The following PCDH15 variants were observed in gnomAD, a reference collection of about 807,000 sequenced individuals.
The protein encoded by PCDH15 is protocadherin-15.
In PCDH15, 129 loss-of-function variants were observed where a neutral mutation model predicts 178.5. That is an observed-to-expected ratio of 0.72 (90% CI 0.63 to 0.84). PCDH15 has a LOEUF of 0.84. PCDH15 is among the 40% of genes least tolerant of loss of function. The probability of loss-of-function intolerance (pLI) is 0.00; values close to 1 mark genes in which losing one functional copy is unlikely to be tolerated. For synonymous variants in PCDH15, 800 were observed against 732.0 expected (o/e 1.09, Z -1.50); for missense variants, 2,230 against 2,099.9 (o/e 1.06, Z -1.21).
chr10:54,202,482 G>C (rs2050333138), intron 10 of PCDH15, among the ~76,000 whole-genome samples: 1 of 152,036 alleles, frequency 6.6e-6, no homozygotes, highest in Admixed American at 6.6e-5. Flanking sequence ...CTCAAACTCT[G>C]ATGTACCTAA....
At chr10:54,856,425 T>C (rs894148900) in intron 3 of PCDH15, among the ~76,000 whole-genome samples, 4 of 152,204 alleles carry the variant, frequency 2.6e-5, no homozygotes, top group Non-Finnish European at 5.9e-5. Context: ...TAGAATGTAA[T>C]CAAAGACTTC....
At chr10:54,426,601 A>T (rs2135931333) in intron 3 of PCDH15, among the ~76,000 whole-genome samples, 1 of 152,222 alleles carries the variant, frequency 6.6e-6, no homozygotes, top group Admixed American at 6.5e-5. Flanking sequence ...CACGTCTCTC[A>T]TGGCCTGTCT....
chr10:54,524,566 T>A (rs1042611035), intron 3 of PCDH15, among the ~76,000 whole-genome samples: 1 of 152,194 alleles, frequency 6.6e-6, no homozygotes, highest in African/African-American at 2.4e-5. Flanking sequence ...TCCCCACCTC[T>A]CTTCTTTCAG....
intron 2 of PCDH15, among the ~76,000 whole-genome samples, chr10:54,649,776 T>C (rs1303783999): frequency 6.6e-6 from 1 of 152,084 alleles, no homozygotes; most frequent in African/African-American, 2.4e-5. Context: ...GTGGGTAATA[T>C]CTCCTTACTA....
At chr10:55,112,006 A>G (rs1201374509) in intron 2 of PCDH15, among the ~76,000 whole-genome samples, 1 of 152,240 alleles carries the variant, frequency 6.6e-6, no homozygotes, top group Non-Finnish European at 1.5e-5. Flanking sequence ...ACACAGTAAC[A>G]CATTTATTTT....
At chr10:55,204,661 A>G (rs1840346172) in intron 1 of PCDH15, among the ~76,000 whole-genome samples, 1 of 152,104 alleles carries the variant, frequency 6.6e-6, no homozygotes, top group Non-Finnish European at 1.5e-5. Flanking sequence ...CAGAGAGAAA[A>G]TTGAGTCAGG....
intron 3 of PCDH15, among the ~76,000 whole-genome samples, chr10:54,837,317 T>A (rs1169601272): frequency 2.6e-5 from 4 of 152,092 alleles, no homozygotes; most frequent in Non-Finnish European, 5.9e-5. Flanking sequence ...TAAAAACTAA[T>A]GTAATTCCCA....
chr10:54,938,177 T>C (rs148360282), intron 2 of PCDH15, among the ~76,000 whole-genome samples: 38 of 152,194 alleles, frequency 2.5e-4, no homozygotes, highest in African/African-American at 7.9e-4. Flanking sequence ...TCGTAGTGTA[T>C]AGTACTTTTT....
chr10:54,954,269 C>T (rs138052179), intron 2 of PCDH15, among the ~76,000 whole-genome samples: 45 of 151,324 alleles, frequency 3.0e-4, no homozygotes, highest in Non-Finnish European at 4.5e-4. Flanking sequence ...TATTAAATTG[C>T]GCATAGAGTC....
Position 54,996,658 on chromosome 10 carries a change from C to T in PCDH15, c.-79-99158G>A, listed in dbSNP as rs529702729. ...GGTACTGTTGTCTTACAATTGGATTCATTTTGCTATTGAATGGGAAAGCAG... is the reference window on the plus strand; with the variant it reads ...GGTACTGTTGTCTTACAATTGGATTTATTTTGCTATTGAATGGGAAAGCAG... On this transcript the variant is annotated intron_variant, in intron 2 of 5. Transcript: ENST00000458638. Among the ~76,000 whole-genome samples, 4 of 152,180 alleles carry T rather than the reference C, an allele frequency of 2.6e-5. No individual in the cohort carries two copies. In the East Asian group the frequency reaches 7.8e-4, roughly 29 times the overall value.
At chr10:55,614,167 A>C (rs1843429362) in intron 2 of PCDH15, among the ~76,000 whole-genome samples, 1 of 152,070 alleles carries the variant, frequency 6.6e-6, no homozygotes, top group Non-Finnish European at 1.5e-5. Context: ...TTATGATTTA[A>C]ATTTTACTTT....
At chr10:54,271,367 C>A (rs11004193) in intron 8 of PCDH15, among the ~76,000 whole-genome samples, 100,779 of 151,702 alleles carry the variant, frequency 0.66, 34,387 homozygotes, top group Middle Eastern at 0.77. Flanking sequence ...GGAGCCCCCA[C>A]GCCCGGCTAA....
intron 2 of PCDH15, among the ~76,000 whole-genome samples, chr10:55,113,771 T>C (rs1322043246): frequency 2.0e-5 from 3 of 152,094 alleles, no homozygotes; most frequent in African/African-American, 7.2e-5. Context: ...CAGGCCATTT[T>C]TGAGATAGCA....
chr10:55,371,421 A>G (rs964588338), intron 2 of PCDH15, among the ~76,000 whole-genome samples: 18 of 152,090 alleles, frequency 1.2e-4, no homozygotes, highest in Admixed American at 2.0e-4. Context: ...TGCAATAGTG[A>G]TATGATTTGG....
intron 10 of PCDH15, 29 bp downstream of exon 10, chr10:54,213,907 C>A (rs761439335): frequency 1.4e-6 from 2 of 1,388,370 alleles, no homozygotes. Flanking sequence ...TTCATAAACA[C>A]AAGGAAATAA....
chr10:54,186,481 T>C (rs1170014259), intron 11 of PCDH15, among the ~76,000 whole-genome samples: 1 of 152,034 alleles, frequency 6.6e-6, no homozygotes, highest in Non-Finnish European at 1.5e-5. Flanking sequence ...TTAAACATTG[T>C]GATATGTGTA....
At position 55,432,082 on chromosome 10, in the gene PCDH15, A is replaced by AACAC. The variant is rs58866288; in HGVS notation, c.-156+195539_-156+195542dup. Among the ~76,000 whole-genome samples the AACAC allele has an allele frequency of 2.3e-3, 344 of 148,498 alleles. 1 individual carries two copies. Among genetic ancestry groups the AACAC allele is most frequent in the African/African-American group, 6.1e-3 (246 of 40,660 alleles). ...TTGGGATAGGCAGAGCTATCATTTAAACACACACACACACACACACACACA... is the reference window on the plus strand; with the variant it reads ...TTGGGATAGGCAGAGCTATCATTTAAACACACACACACACACACACACACACACA... On this transcript the variant is annotated intron_variant, in intron 2 of 5. Transcript: ENST00000613346.
intron 3 of PCDH15, among the ~76,000 whole-genome samples, chr10:54,836,626 T>A (rs1953321654): frequency 6.6e-6 from 1 of 152,102 alleles, no homozygotes; most frequent in Non-Finnish European, 1.5e-5. Flanking sequence ...TCACAAAAAA[T>A]TAGCTGAGAA....
At chr10:55,456,488 A>G (rs1839557587) in intron 2 of PCDH15, among the ~76,000 whole-genome samples, 1 of 151,920 alleles carries the variant, frequency 6.6e-6, no homozygotes, top group African/African-American at 2.4e-5. Context: ...GAATTCACCA[A>G]CTCTTGTTTA....
Sources: gnomAD v4.1 joint callset for allele counts (sites outside exome capture counted in the v4.1 genomes callset) on GRCh38, gnomAD v4.1.1 for gene constraint, MANE v1.5 for transcripts, NCBI Gene and HGNC (gene_info 2026-07-23, HGNC 2026-07-21) for gene names.